KIF16B: variants seen among roughly 807,000 people sequenced by gnomAD.
The protein encoded by KIF16B is kinesin-like protein KIF16B.
A neutral mutation model predicts 156.3 loss-of-function variants in KIF16B; 98 were observed. That is an observed-to-expected ratio of 0.63 (90% CI 0.53 to 0.74). The LOEUF (loss-of-function observed/expected upper bound fraction) is 0.74. Among genes scored for constraint, KIF16B ranks in the 30% least tolerant of loss-of-function variants. KIF16B has a pLI of 0.00. For missense variants in KIF16B, 1,421 were observed against 1,606.5 expected (o/e 0.88, Z 1.97); for synonymous variants, 564 against 583.7 (o/e 0.97, Z 0.49).
Position 16,346,335 on chromosome 20 carries a change from A to G in KIF16B, c.3621+9995T>C, listed in dbSNP as rs185415788. ...GGAGCTTGGAGAGTGAAGATTCCTG[A>G]AAGCAGGGGAGCCGCTCAAATAGGA... On this transcript the variant is annotated intron_variant, in intron 23 of 25. Coordinates refer to ENST00000354981, the MANE Select transcript of KIF16B (RefSeq NM_024704.5). Among the ~76,000 whole-genome samples, 40 of 152,304 alleles carry G rather than the reference A, an allele frequency of 2.6e-4. 1 individual carries two copies. Among genetic ancestry groups the G allele is most frequent in the Admixed American group, 2.3e-3 (35 of 15,292 alleles).
At chr20:16,492,408 C>G (rs543423337) in intron 12 of KIF16B, among the ~76,000 whole-genome samples, 2 of 152,266 alleles carry the variant, frequency 1.3e-5, no homozygotes, top group African/African-American at 2.4e-5. Context: ...AAGTCTAAAA[C>G]AGGCTTATAA....
At chr20:16,458,088 T>G (rs6043962) in intron 12 of KIF16B, among the ~76,000 whole-genome samples, 49,408 of 151,894 alleles carry the variant, frequency 0.33, 8,562 homozygotes, top group African/African-American at 0.44. Flanking sequence ...CAAAACGGTA[T>G]AGTTTTGCTG....
intron 22 of KIF16B, chr20:16,367,718 T>C: frequency 1.9e-6 from 3 of 1,612,366 alleles, no homozygotes; most frequent in Non-Finnish European, 2.5e-6. Flanking sequence ...GGGATTTCTG[T>C]TTTCCAATCA....
At chr20:16,351,713 G>A (rs770820474) in intron 23 of KIF16B, among the ~76,000 whole-genome samples, 26 of 152,272 alleles carry the variant, frequency 1.7e-4, no homozygotes, top group Admixed American at 4.6e-4. Context: ...AGTCCCAGAC[G>A]GATGTGCTAC....
intron 25 of KIF16B, among the ~76,000 whole-genome samples, chr20:16,277,322 A>C (rs1458968277): frequency 1.3e-5 from 2 of 152,078 alleles, no homozygotes; most frequent in East Asian, 3.8e-4. Context: ...TCACTAATGA[A>C]ATCTACTTCC....
chr20:16,353,364 A>C (rs1312198142), intron 23 of KIF16B, among the ~76,000 whole-genome samples: 1 of 152,228 alleles, frequency 6.6e-6, no homozygotes, highest in African/African-American at 2.4e-5. Flanking sequence ...AACAACCAAA[A>C]AGAAAAAAAA....
At chr20:16,458,161 G>A (rs1021058006) in intron 12 of KIF16B, among the ~76,000 whole-genome samples, 2 of 152,186 alleles carry the variant, frequency 1.3e-5, no homozygotes, top group Non-Finnish European at 2.9e-5. Context: ...ACTGATGGCT[G>A]CTGAAGATGA....
At chr20:16,561,229 G>A (rs780486506) in intron 1 of KIF16B, among the ~76,000 whole-genome samples, 38 of 152,146 alleles carry the variant, frequency 2.5e-4, no homozygotes, top group Non-Finnish European at 4.7e-4. Flanking sequence ...GGGAGGTGGA[G>A]GTTACAGTGG....
At chr20:16,430,290 G>A (rs6111114) in intron 12 of KIF16B, among the ~76,000 whole-genome samples, 3,161 of 152,190 alleles carry the variant, frequency 0.021, 104 homozygotes, top group African/African-American at 0.073. Flanking sequence ...TCACTCTTCA[G>A]AGCCTTTATG....
intron 25 of KIF16B, among the ~76,000 whole-genome samples, chr20:16,289,376 CCT>C (rs1324993477): frequency 6.6e-6 from 1 of 151,958 alleles, no homozygotes; most frequent in Non-Finnish European, 1.5e-5. Flanking sequence ...TTAATTTTCC[CCT>C]CTTTTAAATG....
intron 12 of KIF16B, among the ~76,000 whole-genome samples, chr20:16,482,924 T>C (rs1337431305): frequency 2.6e-5 from 4 of 152,118 alleles, no homozygotes; most frequent in Admixed American, 6.5e-5. Context: ...GCTCCAGAGG[T>C]GGCCCTTGAT....
chr20:16,511,858 A>G (rs2068964870), intron 5 of KIF16B, among the ~76,000 whole-genome samples: 2 of 152,304 alleles, frequency 1.3e-5, no homozygotes, highest in South Asian at 4.1e-4. Flanking sequence ...CTGTATCAAG[A>G]AGCGACATTA....
intron 12 of KIF16B, among the ~76,000 whole-genome samples, chr20:16,478,687 CTTATT>C (rs1469119321): frequency 6.6e-6 from 1 of 152,092 alleles, no homozygotes; most frequent in African/African-American, 2.4e-5. Flanking sequence ...TCAAGTCACC[CTTATT>C]TTAATTGTTC....
At chr20:16,531,202 T>C (rs1206121201) in intron 1 of KIF16B, among the ~76,000 whole-genome samples, 1 of 152,132 alleles carries the variant, frequency 6.6e-6, no homozygotes, top group Admixed American at 6.5e-5. Flanking sequence ...ACTCATAACT[T>C]AAAAATAAAA....
intron 22 of KIF16B, among the ~76,000 whole-genome samples, chr20:16,369,896 A>G (rs932611550): frequency 2.6e-5 from 4 of 152,220 alleles, no homozygotes; most frequent in Admixed American, 6.5e-5. Flanking sequence ...TCTGTAGAGG[A>G]GGGAAATGGC....
chr20:16,417,800 G>C (rs2066127434), intron 15 of KIF16B, among the ~76,000 whole-genome samples: 1 of 151,938 alleles, frequency 6.6e-6, no homozygotes, highest in Non-Finnish European at 1.5e-5. Context: ...CTTAAACACA[G>C]GTCAACTGAA....
chr20:16,303,269 C>A (rs1486430065), intron 25 of KIF16B, among the ~76,000 whole-genome samples: 2 of 152,186 alleles, frequency 1.3e-5, no homozygotes, highest in Non-Finnish European at 2.9e-5. Flanking sequence ...CATTACGTAG[C>A]AGAGCAGTAA....
At chr20:16,372,027 G>C (rs1211463767) in intron 20 of KIF16B, among the ~76,000 whole-genome samples, 2 of 152,140 alleles carry the variant, frequency 1.3e-5, no homozygotes, top group African/African-American at 4.8e-5. Flanking sequence ...TCCCATCCAC[G>C]TCCTTAGTGG....
At chr20:16,368,996 G>A in intron 22 of KIF16B, 1 of 985,796 alleles carries the variant, frequency 1.0e-6, no homozygotes, top group Non-Finnish European at 1.2e-6. Context: ...AAACATTTTG[G>A]TTCAAAATGG....
Sources: allele counts gnomAD v4.1 joint callset (sites outside exome capture counted in the v4.1 genomes callset), GRCh38; gene constraint gnomAD v4.1.1; transcripts MANE v1.5; gene names NCBI Gene and HGNC (gene_info 2026-07-23, HGNC 2026-07-21).